ANO2: variants seen among roughly 807,000 people sequenced by gnomAD.
The protein encoded by ANO2 is anoctamin-2.
Under a neutral mutation model 124.2 loss-of-function variants are expected in ANO2, and 101 were observed. The ratio of observed to expected loss-of-function variants is 0.81; its 90% CI spans 0.69 to 0.96. The LOEUF (loss-of-function observed/expected upper bound fraction) is 0.96. Among genes scored for constraint, ANO2 ranks in the 40% least tolerant of loss-of-function variants. The probability of loss-of-function intolerance (pLI) is 0.00; values close to 1 mark genes in which losing one functional copy is unlikely to be tolerated. For synonymous variants in ANO2, 486 were observed against 482.5 expected, an observed-to-expected ratio of 1.01 and a Z score of -0.09; for missense variants, 1,293 against 1,274.5, an observed-to-expected ratio of 1.01 and a Z score of -0.22.
At chr12:5,840,357 C>T (rs985912618) in intron 4 of ANO2, among the ~76,000 whole-genome samples, 1 of 152,138 alleles carries the variant, frequency 6.6e-6, no homozygotes, top group East Asian at 1.9e-4. Flanking sequence ...TTGTCTCCCT[C>T]AGCCTCTCCT....
chr12:5,761,478 G>T (rs1254554525), intron 10 of ANO2, among the ~76,000 whole-genome samples: 1 of 152,062 alleles, frequency 6.6e-6, no homozygotes, highest in African/African-American at 2.4e-5. Context: ...CTTATCCCAT[G>T]TGCAAAAACA....
At chr12:5,581,322 C>A (rs758526446) in intron 20 of ANO2, among the ~76,000 whole-genome samples, 1 of 152,132 alleles carries the variant, frequency 6.6e-6, no homozygotes, top group Non-Finnish European at 1.5e-5. Flanking sequence ...CCAGAGCCTC[C>A]GCAAGGGTTT....
chr12:5,796,389 CAT>C (rs1219422972), intron 10 of ANO2, among the ~76,000 whole-genome samples: 5 of 151,218 alleles, frequency 3.3e-5, no homozygotes, highest in Non-Finnish European at 7.4e-5. Flanking sequence ...CCCAAACACA[CAT>C]ATTCTCTGGC....
chr12:5,912,808 G>A (rs940705781), intron 3 of ANO2, among the ~76,000 whole-genome samples: 2 of 152,210 alleles, frequency 1.3e-5, no homozygotes, highest in Non-Finnish European at 2.9e-5. Context: ...AAAGCCAGAG[G>A]GAAATCATCG....
chr12:5,718,523 T>C (rs1342593431), intron 14 of ANO2, among the ~76,000 whole-genome samples: 2 of 152,170 alleles, frequency 1.3e-5, no homozygotes, highest in South Asian at 2.1e-4. Context: ...AGTCGAGTAG[T>C]AGAAAGAACA....
chr12:5,609,420 T>G (rs1944374212), intron 19 of ANO2, among the ~76,000 whole-genome samples: 1 of 152,148 alleles, frequency 6.6e-6, no homozygotes, highest in South Asian at 2.1e-4. Context: ...GCACCCTGCA[T>G]GCTTAGATGA....
intron 14 of ANO2, among the ~76,000 whole-genome samples, chr12:5,700,345 G>A (rs570644305): frequency 2.0e-5 from 3 of 152,136 alleles, no homozygotes; most frequent in Non-Finnish European, 4.4e-5. Context: ...TGACTACTGG[G>A]TACAAAACGA....
intron 4 of ANO2, among the ~76,000 whole-genome samples, chr12:5,851,803 G>A (rs897769302): frequency 6.6e-6 from 1 of 152,000 alleles, no homozygotes; most frequent in Non-Finnish European, 1.5e-5. Flanking sequence ...AGAAGGAAAA[G>A]AATGAGAGTA....
intron 19 of ANO2, among the ~76,000 whole-genome samples, chr12:5,607,063 T>TA (rs60199743): frequency 8.9e-4 from 129 of 145,434 alleles, no homozygotes; most frequent in Non-Finnish European, 1.0e-3. Context: ...TGCCTCTATT[T>TA]AAAAAAAAAA....
At chr12:5,598,747 G>C (rs1411646731) in intron 20 of ANO2, among the ~76,000 whole-genome samples, 1 of 152,186 alleles carries the variant, frequency 6.6e-6, no homozygotes, top group African/African-American at 2.4e-5. Flanking sequence ...CATCCCAATA[G>C]AAGATCAGGA....
At chr12:5,820,405 G>T (rs562694622) in intron 7 of ANO2, among the ~76,000 whole-genome samples, 2 of 152,184 alleles carry the variant, frequency 1.3e-5, no homozygotes, top group Non-Finnish European at 2.9e-5. Flanking sequence ...GACTTATGGA[G>T]GTCAGATAAT....
intron 14 of ANO2, among the ~76,000 whole-genome samples, chr12:5,730,809 C>T (rs1224005279): frequency 6.6e-6 from 1 of 152,218 alleles, no homozygotes; most frequent in African/African-American, 2.4e-5. Context: ...TTATCTTACA[C>T]TACTCATTTG....
intron 14 of ANO2, among the ~76,000 whole-genome samples, chr12:5,727,341 T>C (rs1195180847): frequency 1.3e-5 from 2 of 152,132 alleles, no homozygotes; most frequent in Non-Finnish European, 2.9e-5. Flanking sequence ...ATAAACTTCC[T>C]GAGGCCTCCT....
chr12:5,695,197 A>C (rs1481850317), intron 14 of ANO2, among the ~76,000 whole-genome samples: 1 of 151,666 alleles, frequency 6.6e-6, no homozygotes, highest in Non-Finnish European at 1.5e-5. Flanking sequence ...TCCAAGCACC[A>C]CTCCTGACTC....
At chr12:5,631,066 G>A (rs1027242191) in intron 16 of ANO2, among the ~76,000 whole-genome samples, 2 of 152,200 alleles carry the variant, frequency 1.3e-5, no homozygotes, top group Non-Finnish European at 2.9e-5. Context: ...CACTAGATAT[G>A]TGGGCTGAGC....
chr12:5,930,176 T>C (rs142615166), intron 1 of ANO2, among the ~76,000 whole-genome samples: 8 of 152,248 alleles, frequency 5.3e-5, no homozygotes, highest in African/African-American at 1.9e-4. Context: ...TCTTTCCTTA[T>C]AGGCCTTCCT....
chr12:5,939,721 A>G (rs1044414507), intron 1 of ANO2, among the ~76,000 whole-genome samples: 2 of 152,246 alleles, frequency 1.3e-5, no homozygotes, highest in South Asian at 2.1e-4. Context: ...AAGAACAGGC[A>G]TGGAAGGCTT....
At chr12:5,874,656 G>A (rs1173963627) in intron 3 of ANO2, among the ~76,000 whole-genome samples, 3 of 152,146 alleles carry the variant, frequency 2.0e-5, no homozygotes, top group African/African-American at 4.8e-5. Context: ...TCTGGCATCC[G>A]CTTCCCAATC....
intron 3 of ANO2, among the ~76,000 whole-genome samples, chr12:5,906,749 C>T (rs1337871060): frequency 2.0e-5 from 3 of 151,766 alleles, no homozygotes; most frequent in African/African-American, 2.4e-5. Context: ...GAGCCAAGAT[C>T]GCACCACTGC....
Sources: allele counts gnomAD v4.1 joint callset (sites outside exome capture counted in the v4.1 genomes callset), GRCh38; gene constraint gnomAD v4.1.1; transcripts MANE v1.5; gene names NCBI Gene and HGNC (gene_info 2026-07-23, HGNC 2026-07-21).